The following ENG variants were observed in gnomAD, a reference collection of about 807,000 sequenced individuals.
ENG encodes the protein CD105 antigen.
ENG carries 17 observed loss-of-function variants against 71.0 expected under a neutral mutation model. The ratio of observed to expected loss-of-function variants is 0.24; its 90% CI spans 0.16 to 0.36. The LOEUF (loss-of-function observed/expected upper bound fraction) is 0.36. Ranked by LOEUF, ENG falls within the 10% of genes least tolerant of loss-of-function variation. The pLI is 1.00. For missense variants in ENG, 749 were observed against 868.3 expected (o/e 0.86, Z 1.73); for synonymous variants, 360 against 366.9 (o/e 0.98, Z 0.21).
chr9:127,819,508 A>G (rs1830420977), intron 10 of ENG, 114 bp downstream of exon 10: 23 of 1,429,282 alleles, frequency 1.6e-5, no homozygotes, highest in Non-Finnish European at 2.2e-5. Context: ...CATTCCAGAC[A>G]CACATGGCTT....
intron 2 of ENG, among the ~76,000 whole-genome samples, chr9:127,834,480 C>T (rs535998490): frequency 2.0e-5 from 3 of 152,310 alleles, no homozygotes; most frequent in South Asian, 2.1e-4. Context: ...TCTCTGCTCA[C>T]CGCAACCTCC....
rs1445214530 is a variant in ENG at position 127,815,814 on chromosome 9, C to T, written c.1853-8G>A. On this transcript the variant is annotated splice_region_variant and splice_polypyrimidine_tract_variant and intron_variant, in intron 14 of 14. Coordinates refer to ENST00000373203, the MANE Select transcript of ENG (RefSeq NM_001114753.3). Reference sequence around the variant, plus strand: ...CCCGCTTGCTGGGGGAACCTGGGAGCGGGAGCGGGGGCAGGGGCGGAGGTC... The same window carrying T: ...CCCGCTTGCTGGGGGAACCTGGGAGTGGGAGCGGGGGCAGGGGCGGAGGTC... 66 of 1,546,106 alleles carry T rather than the reference C, an allele frequency of 4.3e-5. No homozygotes were observed. In the Middle Eastern group the frequency reaches 6.1e-4, roughly 14 times the overall value.
At position 127,836,092 on chromosome 9, in the gene ENG, C is replaced by A. The variant is rs1429974064; in HGVS notation, c.220-6265G>T. On this transcript the variant is annotated intron_variant, in intron 2 of 14. Transcript: ENST00000373203. The surrounding 1 kb of genome is among the most constrained non-coding windows in gnomAD (Gnocchi z 4.0). ...GTTTCTACAGCAAACATTTCCCTCCCCACGGCCCTGACTCACCGCCACGGC... is the reference window on the plus strand; with the variant it reads ...GTTTCTACAGCAAACATTTCCCTCCACACGGCCCTGACTCACCGCCACGGC... 6.6e-6 allele frequency among the ~76,000 whole-genome samples: 1 copy of A among 152,220 alleles called. No individual in the cohort carries two copies. Among genetic ancestry groups the A allele is most frequent in the Non-Finnish European group, 1.5e-5 (1 of 68,032 alleles).
chr9:127,843,345 G>A, intron 1 of ENG, 100 bp from the exon 2 acceptor site: 1 of 1,504,250 alleles, frequency 6.6e-7, no homozygotes, highest in East Asian at 2.3e-5. Flanking sequence ...TGAGCTAACG[G>A]CTTTCCTGCA....
At chr9:127,844,523 A>G (rs1831125678) in intron 1 of ENG, among the ~76,000 whole-genome samples, 1 of 140,376 alleles carries the variant, frequency 7.1e-6, no homozygotes. Context: ...TCAACCTCCC[A>G]GGCTCAAGTG....
chr9:127,818,881 G>T, intron 10 of ENG, 49 bp from the exon 11 acceptor site: 1 of 1,545,810 alleles, frequency 6.5e-7, no homozygotes, highest in Non-Finnish European at 8.9e-7. Flanking sequence ...GCGCCAGCCA[G>T]GAGGGCGAGG....
chr9:127,833,203 G>T (rs1200226044), intron 2 of ENG, among the ~76,000 whole-genome samples: 3 of 152,164 alleles, frequency 2.0e-5, no homozygotes, highest in African/African-American at 7.2e-5. Flanking sequence ...TGAACTAGTG[G>T]CATGTGAACA....
intron 8 of ENG, among the ~76,000 whole-genome samples, chr9:127,823,716 C>T (rs1308095536): frequency 1.5e-5 from 2 of 129,662 alleles, no homozygotes; most frequent in African/African-American, 5.8e-5. Flanking sequence ...GAGTCTCACT[C>T]TGTTGCCCAG....
rs998474721 is a variant in ENG at position 127,838,554 on chromosome 9, T to C, written c.219+4540A>G. Among the ~76,000 whole-genome samples, 15 of 152,278 alleles carry C rather than the reference T, an allele frequency of 9.9e-5. No homozygotes were observed. Among genetic ancestry groups the C allele is most frequent in the African/African-American group, 3.6e-4 (15 of 41,562 alleles). On this transcript the variant is annotated intron_variant, in intron 2 of 14. Transcript: ENST00000373203. This position sits in a 1 kb window ranked among gnomAD's most constrained non-coding sequence, Gnocchi z 4.3. ...GTCAGTGCTGGGGCCTGACAGGCTGTGTCTGTTCAGGGGTGGGTGGGGTCT... is the reference window on the plus strand; with the variant it reads ...GTCAGTGCTGGGGCCTGACAGGCTGCGTCTGTTCAGGGGTGGGTGGGGTCT...
Position 127,843,130 on chromosome 9 carries a change from G to A in ENG, c.183C>T (p.Ile61=). 1.2e-6 allele frequency: 2 copies of A among 1,614,228 alleles called. No individual in the cohort carries two copies. The highest frequency in any genetic ancestry group is 2.2e-5 in the South Asian group (2 of 91,086). The change falls in exon 2 of 15, where the codon ATC becomes ATT. Residue 61 remains isoleucine (I), a synonymous_variant. Transcript: ENST00000373203. ...KGCVAQAPNA[I]LEVHVLFLEF... ...CCAGGAAGAGGACATGGACTTCAAG[G>A]ATGGCATTGGGGGCCTGAGCCACGC...
intron 8 of ENG, 56 bp from the exon 9 acceptor site, chr9:127,820,093 A>G: frequency 1.3e-6 from 2 of 1,592,398 alleles, no homozygotes; most frequent in South Asian, 1.1e-5. Flanking sequence ...GTGGCCTGCC[A>G]CACCCCAGCA....
intron 2 of ENG, among the ~76,000 whole-genome samples, chr9:127,840,003 C>T (rs909246303): frequency 1.3e-5 from 2 of 152,156 alleles, no homozygotes; most frequent in African/African-American, 2.4e-5. Context: ...TAACAATAAC[C>T]GTAGCCACCA....
Position 127,819,939 on chromosome 9 carries a change from G to T in ENG, c.1233C>A (p.Ser411Arg). 6.2e-7 allele frequency: 1 copy of T among 1,614,228 alleles called. No homozygotes were observed. The highest frequency in any genetic ancestry group is 8.5e-7 in the Non-Finnish European group (1 of 1,180,046). Reference protein sequence around the residue: ...DKFVLRSAYSSCGMQVSASMI... With the variant: ...DKFVLRSAYSRCGMQVSASMI... The stretch of plus-strand genomic sequence containing the variant: ...TACTTGCTGACACCTGCATGCCACA[G>T]CTGGAGTAAGCACTGCGCAAGACAA... The change falls in exon 9 of 15, where the codon AGC (serine) becomes AGA (arginine). Residue 411 changes from serine to arginine, a missense_variant. Ser to Arg is a moderately radical substitution (Grantham distance 110). Coordinates refer to ENST00000373203, the MANE Select transcript of ENG (RefSeq NM_001114753.3).
chr9:127,832,041 G>A (rs1214622670), intron 2 of ENG, among the ~76,000 whole-genome samples: 1 of 145,550 alleles, frequency 6.9e-6, no homozygotes, highest in East Asian at 2.0e-4. Context: ...TTCCCAAAGT[G>A]CTGGAATTAC....
chr9:127,817,123 A>AC lies in ENG; in HGVS notation c.1741+25dup, dbSNP rs747378754. ...ACTGTGACCTCAGCCACTAGAACAA[A>AC]CCCGAGAGACCTGGAGGGAGCTCAC... On this transcript the variant is annotated intron_variant, in intron 13 of 14. Transcript: ENST00000373203. The AC allele has an allele frequency of 2.5e-6, 4 of 1,614,010 alleles. No individual in the cohort carries two copies. In the South Asian group the frequency reaches 4.4e-5, roughly 18 times the overall value.
intron 10 of ENG, 42 bp from the exon 11 acceptor site, chr9:127,818,874 C>A: frequency 6.3e-7 from 1 of 1,593,334 alleles, no homozygotes; most frequent in South Asian, 1.1e-5. Context: ...TCTGGCGGCG[C>A]CAGCCAGGAG....
rs1830400434 is a variant in ENG, at chr9:127,818,826, C to T, written c.1318G>A (p.Val440Met). The T allele has an allele frequency of 5.0e-6, 8 of 1,613,980 alleles. No homozygotes were observed. Among genetic ancestry groups the T allele is most frequent in the Non-Finnish European group, 6.8e-6 (8 of 1,179,940 alleles). Residue 440 changes from valine to methionine, a missense_variant, in exon 11 of 15, where the codon GTG (valine) becomes ATG (methionine). Transcript: ENST00000373203. Reference protein sequence around the residue: ...LSSSSPQRKKVHCLNMDSLSF... With the variant: ...LSSSSPQRKKMHCLNMDSLSF... ...AGGCTGTCCATGTTGAGGCAGTGCA[C>T]CTTTTTCTGGGGGAGGACGGGAGGG...
chr9:127,840,134 A>G (rs904193036), intron 2 of ENG, among the ~76,000 whole-genome samples: 1 of 152,226 alleles, frequency 6.6e-6, no homozygotes, highest in Non-Finnish European at 1.5e-5. Context: ...TTCCCGTGGG[A>G]AAATCAAAGC....
intron 2 of ENG, among the ~76,000 whole-genome samples, chr9:127,830,354 A>AG (rs1259242624): frequency 6.7e-6 from 1 of 150,310 alleles, no homozygotes; most frequent in African/African-American, 2.5e-5. Flanking sequence ...AAAAAAAAAA[A>AG]AAAAAAGGCC....
Sources: allele counts gnomAD v4.1 joint callset (sites outside exome capture counted in the v4.1 genomes callset), GRCh38; gene constraint gnomAD v4.1.1; non-coding constraint Gnocchi (gnomAD v3.1); transcripts MANE v1.5; gene names NCBI Gene and HGNC (gene_info 2026-07-23, HGNC 2026-07-21).